Variants in DNAH7 observed in about 807,000 individuals in gnomAD.
The protein encoded by DNAH7 is axonemal beta dynein heavy chain 7.
DNAH7 carries 397 observed loss-of-function variants against 444.6 expected under a neutral mutation model. The ratio of observed to expected loss-of-function variants is 0.89; its 90% CI spans 0.82 to 0.97. The LOEUF is 0.97. DNAH7 is among the 50% of genes least tolerant of loss of function. The pLI, the probability that DNAH7 is intolerant of heterozygous loss-of-function variation, is 0.00. For synonymous variants in DNAH7, 1,636 were observed against 1,624.4 expected, an observed-to-expected ratio of 1.01 and a Z score of -0.17; for missense variants, 4,902 against 4,800.8, an observed-to-expected ratio of 1.02 and a Z score of -0.62.
chr2:195,843,871 C>T (rs1287814541), intron 47 of DNAH7, among the ~76,000 whole-genome samples: 5 of 151,970 alleles, frequency 3.3e-5, no homozygotes, highest in African/African-American at 1.2e-4. Flanking sequence ...CTGAGGCGGG[C>T]ACATCACAAG....
intron 24 of DNAH7, among the ~76,000 whole-genome samples, chr2:195,910,590 G>A (rs996007067): frequency 6.6e-5 from 10 of 152,254 alleles, no homozygotes; most frequent in Middle Eastern, 3.4e-3. Context: ...CCAACGAAGA[G>A]GGAATGCAAA....
chr2:195,970,720 T>TG (rs1559288008), intron 16 of DNAH7, among the ~76,000 whole-genome samples: 1 of 152,180 alleles, frequency 6.6e-6, no homozygotes, highest in Non-Finnish European at 1.5e-5. Context: ...TAATTGGTAT[T>TG]GGTAAGGCAT....
At chr2:195,810,523 T>C (rs1207722405) in intron 51 of DNAH7, among the ~76,000 whole-genome samples, 1 of 152,018 alleles carries the variant, frequency 6.6e-6, no homozygotes, top group Non-Finnish European at 1.5e-5. Flanking sequence ...GCCATCCTCC[T>C]GCCTCAGCCT....
chr2:196,051,722 G>A (rs1282777177), intron 2 of DNAH7, among the ~76,000 whole-genome samples: 3 of 151,862 alleles, frequency 2.0e-5, no homozygotes, highest in East Asian at 3.9e-4. Context: ...AGCAGAGATC[G>A]CACCACTGCA....
At chr2:195,800,641 A>C (rs1696400861) in intron 54 of DNAH7, among the ~76,000 whole-genome samples, 1 of 152,168 alleles carries the variant, frequency 6.6e-6, no homozygotes, top group Admixed American at 6.5e-5. Context: ...CAAGCAGGAG[A>C]CATTGTCGCC....
intron 12 of DNAH7, among the ~76,000 whole-genome samples, chr2:195,989,174 C>T (rs1693130194): frequency 6.6e-6 from 1 of 152,194 alleles, no homozygotes; most frequent in African/African-American, 2.4e-5. Context: ...CTTCAACATA[C>T]TGATTTCCTT....
chr2:196,033,582 C>T (rs1354571584), intron 5 of DNAH7, among the ~76,000 whole-genome samples: 1 of 152,186 alleles, frequency 6.6e-6, no homozygotes, highest in South Asian at 2.1e-4. Flanking sequence ...TTTCACTTAG[C>T]ATAGTGTTCT....
intron 5 of DNAH7, among the ~76,000 whole-genome samples, chr2:196,034,980 G>A (rs1417119814): frequency 1.3e-5 from 2 of 152,124 alleles, no homozygotes; most frequent in Non-Finnish European, 2.9e-5. Flanking sequence ...CAGGAGTTTT[G>A]AGACCAGCCT....
chr2:195,857,771 AGTAATT>A (rs1161725389), intron 43 of DNAH7, 48 bp from the exon 44 acceptor site: 1 of 1,436,344 alleles, frequency 7.0e-7, no homozygotes, highest in African/African-American at 1.4e-5. Context: ...TTGTTTATAC[AGTAATT>A]GTAAGTGGTT....
chr2:195,808,952 G>A (rs1168180432), intron 52 of DNAH7, 76 bp from the exon 53 acceptor site: 1 of 1,300,266 alleles, frequency 7.7e-7, no homozygotes, highest in Non-Finnish European at 1.1e-6. Flanking sequence ...CATTATAAAA[G>A]AGTTGAGTGT....
At chr2:195,861,121 A>G (rs1425905287) in intron 42 of DNAH7, among the ~76,000 whole-genome samples, 1 of 152,180 alleles carries the variant, frequency 6.6e-6, no homozygotes, top group Non-Finnish European at 1.5e-5. Flanking sequence ...GGTAACCACT[A>G]AAATGTTCCA....
chr2:195,764,252 AGCC>A, intron 61 of DNAH7, among the ~76,000 whole-genome samples: 1 of 152,150 alleles, frequency 6.6e-6, no homozygotes, highest in Non-Finnish European at 1.5e-5. Flanking sequence ...ACTTAATAAA[AGCC>A]ATATATGACA....
At position 195,993,368 on chromosome 2, in the gene DNAH7, G is replaced by A. The variant is rs145169598; in HGVS notation, c.1354-5139C>T. Among the ~76,000 whole-genome samples the A allele has an allele frequency of 3.1e-3, 469 of 152,190 alleles. 3 individuals are homozygous for A. Among genetic ancestry groups the A allele is most frequent in the African/African-American group, 0.011 (448 of 41,516 alleles). ...ATTTGTAAAATTTCCTTCAAAGTAA[G>A]CAATTAAATTGAAATGGTGATGAAT... is the stretch of plus-strand genomic sequence containing the variant. On this transcript the variant is annotated intron_variant, in intron 12 of 64. Coordinates refer to ENST00000312428, the MANE Select transcript of DNAH7 (RefSeq NM_018897.3).
chr2:196,043,689 T>C (rs994330038), intron 5 of DNAH7, among the ~76,000 whole-genome samples: 2 of 151,820 alleles, frequency 1.3e-5, no homozygotes, highest in African/African-American at 4.8e-5. Flanking sequence ...ACCCAGAATC[T>C]ATAAGGAACT....
intron 10 of DNAH7, among the ~76,000 whole-genome samples, chr2:196,002,334 C>G (rs191657048): frequency 1.3e-3 from 195 of 152,210 alleles, no homozygotes; most frequent in African/African-American, 4.6e-3. Context: ...ATTTACAAAT[C>G]AACAAAATCA....
chr2:195,946,083 A>G (rs1368330498), intron 19 of DNAH7, among the ~76,000 whole-genome samples: 5 of 152,158 alleles, frequency 3.3e-5, no homozygotes, highest in Admixed American at 2.6e-4. Flanking sequence ...CTACTAGAAC[A>G]GGAAAAAAAC....
chr2:195,817,212 A>T (rs1697267451), intron 50 of DNAH7, among the ~76,000 whole-genome samples: 6 of 152,208 alleles, frequency 3.9e-5, no homozygotes, highest in Admixed American at 3.9e-4. Flanking sequence ...ACGGCAAGCC[A>T]ATTTACTCTG....
intron 5 of DNAH7, among the ~76,000 whole-genome samples, chr2:196,036,524 T>C (rs1696402836): frequency 6.6e-6 from 1 of 152,154 alleles, no homozygotes; most frequent in South Asian, 2.1e-4. Flanking sequence ...CCAAAGTGTG[T>C]ACTCCCCAGA....
intron 31 of DNAH7, among the ~76,000 whole-genome samples, chr2:195,890,089 T>G (rs555402183): frequency 1.3e-5 from 2 of 152,338 alleles, no homozygotes; most frequent in East Asian, 3.9e-4. Context: ...GATTTCAAGT[T>G]GAAGTGGTGA....
Sources: gnomAD v4.1 joint callset for allele counts (sites outside exome capture counted in the v4.1 genomes callset) on GRCh38, gnomAD v4.1.1 for gene constraint, MANE v1.5 for transcripts, NCBI Gene and HGNC (gene_info 2026-07-23, HGNC 2026-07-21) for gene names.